The following SUCLG2 variants were observed in gnomAD, a reference collection of about 807,000 sequenced individuals.
SUCLG2 encodes the protein succinate--CoA ligase [GDP-forming] subunit beta, mitochondrial.
SUCLG2 carries 42 observed loss-of-function variants against 47.9 expected under a neutral mutation model. The observed-to-expected ratio is 0.88, with a 90% confidence interval of 0.69 to 1.14. The LOEUF is 1.14. Ranked by LOEUF, SUCLG2 falls within the 50% of genes most tolerant of loss-of-function variation. The pLI, the probability that SUCLG2 is intolerant of heterozygous loss-of-function variation, is 0.00. For synonymous variants in SUCLG2, 195 were observed against 197.3 expected (o/e 0.99, Z 0.10); for missense variants, 571 against 525.9 (o/e 1.09, Z -0.84).
chr3:67,546,167 T>A (rs980714273), intron 2 of SUCLG2, among the ~76,000 whole-genome samples: 7 of 152,322 alleles, frequency 4.6e-5, no homozygotes, highest in Admixed American at 4.6e-4. Flanking sequence ...AATGAGGGAA[T>A]TAACAAGCTG....
intron 1 of SUCLG2, among the ~76,000 whole-genome samples, chr3:67,626,498 T>C (rs1338829982): frequency 6.6e-6 from 1 of 151,960 alleles, no homozygotes; most frequent in Non-Finnish European, 1.5e-5. Flanking sequence ...GGTGACAGGA[T>C]GGTCTAGGGC....
intron 2 of SUCLG2, among the ~76,000 whole-genome samples, chr3:67,593,117 T>C (rs1320504653): frequency 1.3e-5 from 2 of 152,228 alleles, no homozygotes; most frequent in Non-Finnish European, 1.5e-5. Context: ...ATCGATTTCT[T>C]TAACATGGTT....
At chr3:67,402,785 G>A (rs1313006130) in intron 9 of SUCLG2, among the ~76,000 whole-genome samples, 2 of 152,226 alleles carry the variant, frequency 1.3e-5, no homozygotes, top group Non-Finnish European at 2.9e-5. Flanking sequence ...ATTCCTTAAG[G>A]ACAAGTTCGG....
chr3:67,509,320 T>C (rs1241097043), intron 6 of SUCLG2, among the ~76,000 whole-genome samples: 1 of 152,248 alleles, frequency 6.6e-6, no homozygotes, highest in Non-Finnish European at 1.5e-5. Flanking sequence ...AAACAGTTAT[T>C]ATATTCATCA....
intron 2 of SUCLG2, among the ~76,000 whole-genome samples, chr3:67,547,811 G>A (rs1156685325): frequency 6.6e-6 from 1 of 152,116 alleles, no homozygotes; most frequent in Admixed American, 6.5e-5. Flanking sequence ...GAGTTCAAAG[G>A]AGATGCTACA....
intron 10 of SUCLG2, among the ~76,000 whole-genome samples, chr3:67,367,307 A>G (rs957071719): frequency 6.6e-6 from 1 of 152,208 alleles, no homozygotes; most frequent in Non-Finnish European, 1.5e-5. Flanking sequence ...CCCAAAAAGT[A>G]TATTATTAAA....
intron 2 of SUCLG2, among the ~76,000 whole-genome samples, chr3:67,578,983 A>G (rs992814586): frequency 6.6e-6 from 1 of 152,248 alleles, no homozygotes; most frequent in Admixed American, 6.5e-5. Context: ...CCTGGCATCA[A>G]TTGGAACACA....
chr3:67,398,690 T>C (rs1221691198), intron 10 of SUCLG2, among the ~76,000 whole-genome samples: 2 of 152,162 alleles, frequency 1.3e-5, no homozygotes, highest in African/African-American at 2.4e-5. Flanking sequence ...CAAAGGACTA[T>C]AAATCATGCT....
chr3:67,493,250 A>G (rs1436280121), intron 9 of SUCLG2, among the ~76,000 whole-genome samples: 1 of 152,236 alleles, frequency 6.6e-6, no homozygotes, highest in Non-Finnish European at 1.5e-5. Context: ...CAGGATTGAA[A>G]ATACTCATTA....
chr3:67,625,708 A>T (rs1301074427), intron 1 of SUCLG2, among the ~76,000 whole-genome samples: 1 of 152,202 alleles, frequency 6.6e-6, no homozygotes, highest in Non-Finnish European at 1.5e-5. Context: ...TGGCCGGGAA[A>T]ATGAACTGAG....
intron 10 of SUCLG2, among the ~76,000 whole-genome samples, chr3:67,381,354 A>C (rs1702154491): frequency 6.6e-6 from 1 of 152,170 alleles, no homozygotes; most frequent in Admixed American, 6.5e-5. Context: ...TTGAGTATTT[A>C]AGGTTATTTT....
chr3:67,479,340 G>C (rs575327605), intron 9 of SUCLG2, among the ~76,000 whole-genome samples: 3 of 150,892 alleles, frequency 2.0e-5, no homozygotes, highest in Admixed American at 6.6e-5. Flanking sequence ...TTTAAAAAAA[G>C]CAGTGGTTTT....
chr3:67,496,654 G>A (rs1575735350), intron 8 of SUCLG2, among the ~76,000 whole-genome samples: 1 of 152,132 alleles, frequency 6.6e-6, no homozygotes, highest in African/African-American at 2.4e-5. Flanking sequence ...ACCAAAATGT[G>A]CCAACATCTT....
intron 10 of SUCLG2, among the ~76,000 whole-genome samples, chr3:67,396,953 C>T (rs1300819409): frequency 1.3e-5 from 2 of 151,772 alleles, no homozygotes; most frequent in African/African-American, 4.8e-5. Flanking sequence ...GCAGAAAAGG[C>T]CTTTGACAAA....
intron 10 of SUCLG2, among the ~76,000 whole-genome samples, chr3:67,398,703 T>C (rs1260365340): frequency 6.6e-6 from 1 of 152,162 alleles, no homozygotes; most frequent in African/African-American, 2.4e-5. Context: ...ATCATGCTGC[T>C]ATAAGGACAC....
intron 2 of SUCLG2, among the ~76,000 whole-genome samples, chr3:67,593,398 T>C (rs975663830): frequency 2.0e-5 from 3 of 152,010 alleles, no homozygotes; most frequent in African/African-American, 7.3e-5. Context: ...CTAACACATA[T>C]AACACATTCA....
intron 10 of SUCLG2, among the ~76,000 whole-genome samples, chr3:67,385,016 G>C (rs1371719186): frequency 6.6e-6 from 1 of 152,190 alleles, no homozygotes; most frequent in Non-Finnish European, 1.5e-5. Flanking sequence ...GCGTCTATAA[G>C]ACACTACAGA....
At chr3:67,367,352 T>C (rs968498138) in intron 10 of SUCLG2, among the ~76,000 whole-genome samples, 4 of 152,210 alleles carry the variant, frequency 2.6e-5, no homozygotes, top group Admixed American at 2.0e-4. Flanking sequence ...TTCACAATCA[T>C]AGAACATTTG....
chr3:67,625,376 A>G lies in SUCLG2; in HGVS notation c.85-15780T>C, dbSNP rs530257074. Among the ~76,000 whole-genome samples, 45 of 152,304 alleles carry G rather than the reference A, an allele frequency of 3.0e-4. No individual in the cohort carries two copies. In the East Asian group the frequency reaches 8.3e-3, roughly 28 times the overall value. ...CAAAGTAAAATGAAAGATTTCTGTG[A>G]AATCTCTTTTCCACCTCGTCCAGGA... On this transcript the variant is annotated intron_variant, in intron 1 of 10. Transcript: ENST00000307227.
Sources: allele counts gnomAD v4.1 joint callset (sites outside exome capture counted in the v4.1 genomes callset), GRCh38; gene constraint gnomAD v4.1.1; transcripts MANE v1.5; gene names NCBI Gene and HGNC (gene_info 2026-07-23, HGNC 2026-07-21).